Variants in SBF2 observed in about 807,000 individuals in gnomAD.
SBF2 encodes the protein myotubularin-related protein 13.
A neutral mutation model predicts 225.2 loss-of-function variants in SBF2; 112 were observed. The ratio of observed to expected loss-of-function variants is 0.50; its 90% CI spans 0.43 to 0.58. The LOEUF (loss-of-function observed/expected upper bound fraction) is 0.58, where lower values mean the gene tolerates loss of function less well. SBF2 is among the 20% of genes least tolerant of loss of function. SBF2 has a pLI of 0.00. For missense variants in SBF2, 1,996 were observed against 2,206.2 expected (o/e 0.90, Z 1.91); for synonymous variants, 763 against 773.3 (o/e 0.99, Z 0.22).
rs531490715 is a variant in SBF2 at position 10,133,367 on chromosome 11, C to T, written c.141+60535G>A. Among the ~76,000 whole-genome samples, 241 of 149,574 alleles carry T rather than the reference C, an allele frequency of 1.6e-3. 18 individuals carry two copies. The highest frequency in any genetic ancestry group is 5.5e-3 in the African/African-American group (223 of 40,648). ...CCGTGGAGCAGGGGGTGGTGCTTGTCGGGGAGGCTCGGGCCGCACAGGAGC... is the reference window on the plus strand; with the variant it reads ...CCGTGGAGCAGGGGGTGGTGCTTGTTGGGGAGGCTCGGGCCGCACAGGAGC... On this transcript the variant is annotated intron_variant, in intron 2 of 39. Coordinates refer to ENST00000256190, the MANE Select transcript of SBF2 (RefSeq NM_030962.4).
At chr11:10,039,168 T>C (rs1361164628) in intron 3 of SBF2, among the ~76,000 whole-genome samples, 1 of 151,826 alleles carries the variant, frequency 6.6e-6, no homozygotes, top group Non-Finnish European at 1.5e-5. Flanking sequence ...GGCTTCCAAA[T>C]AATGTGTCAT....
At chr11:9,999,913 C>G (rs1947882692) in intron 8 of SBF2, among the ~76,000 whole-genome samples, 1 of 152,144 alleles carries the variant, frequency 6.6e-6, no homozygotes, top group South Asian at 2.1e-4. Context: ...GCATTTAAAA[C>G]TAAAACAGAA....
intron 13 of SBF2, among the ~76,000 whole-genome samples, chr11:9,988,023 A>G (rs182427434): frequency 4.0e-4 from 61 of 152,348 alleles, no homozygotes; most frequent in African/African-American, 1.5e-3. Flanking sequence ...AAACTATACT[A>G]TAAGGCCATA....
chr11:10,006,354 T>C (rs2896514), intron 6 of SBF2, among the ~76,000 whole-genome samples: 38,524 of 152,096 alleles, frequency 0.25, 5,020 homozygotes, highest in Middle Eastern at 0.32. Flanking sequence ...TGTCTGTTGG[T>C]ACATTGCCAG....
chr11:10,194,825 C>T, intron 1 of SBF2, among the ~76,000 whole-genome samples: 1 of 152,120 alleles, frequency 6.6e-6, no homozygotes, highest in Non-Finnish European at 1.5e-5. Flanking sequence ...TTCTGTAAGA[C>T]TGACTGATAC....
intron 16 of SBF2, among the ~76,000 whole-genome samples, chr11:9,953,097 G>C (rs574605147): frequency 2.0e-5 from 3 of 152,234 alleles, no homozygotes; most frequent in Non-Finnish European, 2.9e-5. Context: ...ATTTGCAATT[G>C]CAAAAATGCG....
At chr11:9,929,410 T>C (rs1008550327) in intron 16 of SBF2, 4 of 204,974 alleles carry the variant, frequency 2.0e-5, no homozygotes, top group Admixed American at 5.4e-5. Flanking sequence ...AGCTCAGGGG[T>C]AGGACCAAGA....
intron 2 of SBF2, among the ~76,000 whole-genome samples, chr11:10,103,824 T>A (rs1043091132): frequency 2.0e-5 from 3 of 152,146 alleles, no homozygotes; most frequent in African/African-American, 7.2e-5. Context: ...CTCATACCTA[T>A]AATCCCAGCA....
chr11:10,227,082 T>C (rs2135422164), intron 1 of SBF2, among the ~76,000 whole-genome samples: 1 of 152,340 alleles, frequency 6.6e-6, no homozygotes, highest in South Asian at 2.1e-4. Context: ...CCAGTGATGA[T>C]GAGCATTTTT....
intron 1 of SBF2, among the ~76,000 whole-genome samples, chr11:10,215,824 C>A (rs1172746998): frequency 6.6e-6 from 1 of 152,216 alleles, no homozygotes; most frequent in Non-Finnish European, 1.5e-5. Flanking sequence ...CTCCACTTAA[C>A]TGACTTCTCA....
chr11:9,807,882 C>G (rs948453515), intron 32 of SBF2, 118 bp downstream of exon 32: 1 of 919,010 alleles, frequency 1.1e-6, no homozygotes, highest in African/African-American at 1.6e-5. Context: ...TGTCCTGTGG[C>G]TGAGTTAATC....
At chr11:9,806,765 A>G (rs900109200) in intron 32 of SBF2, among the ~76,000 whole-genome samples, 1 of 152,212 alleles carries the variant, frequency 6.6e-6, no homozygotes, top group Non-Finnish European at 1.5e-5. Context: ...TTGGAAAGTC[A>G]CTGCTCATGA....
chr11:10,169,931 G>C (rs907045995), intron 2 of SBF2, among the ~76,000 whole-genome samples: 1 of 152,192 alleles, frequency 6.6e-6, no homozygotes, highest in African/African-American at 2.4e-5. Flanking sequence ...CTGATGATCA[G>C]TGATGCTGAG....
intron 39 of SBF2, among the ~76,000 whole-genome samples, chr11:9,781,040 C>G (rs1265009420): frequency 4.6e-5 from 7 of 152,208 alleles, no homozygotes; most frequent in Admixed American, 4.6e-4. Flanking sequence ...ACTCCAGGGA[C>G]TACATAAGTC....
chr11:10,045,041 GCA>G (rs1949797726), intron 2 of SBF2, among the ~76,000 whole-genome samples: 1 of 152,184 alleles, frequency 6.6e-6, no homozygotes, highest in South Asian at 2.1e-4. Flanking sequence ...TGAAGCTTCA[GCA>G]CAGTGTGGGA....
intron 2 of SBF2, among the ~76,000 whole-genome samples, chr11:10,136,618 T>C (rs1373314250): frequency 1.3e-5 from 2 of 152,188 alleles, no homozygotes; most frequent in African/African-American, 2.4e-5. Context: ...TACTCCATAC[T>C]TGCAACTAGC....
chr11:9,803,476 C>T (rs763916889), intron 32 of SBF2, among the ~76,000 whole-genome samples: 5 of 152,158 alleles, frequency 3.3e-5, no homozygotes, highest in Non-Finnish European at 4.4e-5. Flanking sequence ...ACTCCTCCCC[C>T]CCAGCCCCAT....
intron 26 of SBF2, chr11:9,839,163 A>C (rs1447784329): frequency 2.9e-6 from 1 of 340,312 alleles, no homozygotes; most frequent in African/African-American, 2.1e-5. Flanking sequence ...CCCAGCCTAC[A>C]AAAGACTTTC....
chr11:10,176,531 T>C (rs1956471650), intron 2 of SBF2, among the ~76,000 whole-genome samples: 1 of 151,700 alleles, frequency 6.6e-6, no homozygotes, highest in Non-Finnish European at 1.5e-5. Flanking sequence ...CCCACAGAAA[T>C]ACAAACTACC....
Sources: gnomAD v4.1 joint callset for allele counts (sites outside exome capture counted in the v4.1 genomes callset) on GRCh38, gnomAD v4.1.1 for gene constraint, MANE v1.5 for transcripts, NCBI Gene and HGNC (gene_info 2026-07-23, HGNC 2026-07-21) for gene names.